The following EFCAB6 variants were observed in gnomAD, a reference collection of about 807,000 sequenced individuals.
EFCAB6 encodes EF-hand calcium binding domain 6.
A neutral mutation model predicts 169.8 loss-of-function variants in EFCAB6; 156 were observed. The ratio of observed to expected loss-of-function variants is 0.92; its 90% CI spans 0.81 to 1.05. EFCAB6 has a LOEUF of 1.05. Ranked by LOEUF, EFCAB6 falls within the 50% of genes least tolerant of loss-of-function variation. The pLI, the probability that EFCAB6 is intolerant of heterozygous loss-of-function variation, is 0.00. For synonymous variants in EFCAB6, 698 were observed against 676.4 expected (o/e 1.03, Z -0.50); for missense variants, 1,800 against 1,829.1 (o/e 0.98, Z 0.29).
chr22:43,532,510 C>T (rs941961731), intron 30 of EFCAB6, among the ~76,000 whole-genome samples: 4 of 151,972 alleles, frequency 2.6e-5, no homozygotes, highest in Admixed American at 1.3e-4. Context: ...TCGTGGCTCC[C>T]GTGAAGATGG....
At position 43,772,962 on chromosome 22, in the gene EFCAB6, T is replaced by A. The variant is rs1427927647; in HGVS notation, c.281A>T (p.Glu94Val). The change falls in exon 4 of 32, where the codon GAA becomes GTA. Residue 94 changes from glutamate to valine, a missense_variant. By Grantham distance (121) the Glu-to-Val change is moderately radical (BLOSUM62 -2). Transcript: ENST00000262726. ...GAAGTCTGTGATGATTCTTCTCAGT[T>A]CACTTTTTGACACAGTCAAGTTCTG... Reference protein sequence around the residue: ...TGQNLTVSKSELRRIITDFLM... With the variant: ...TGQNLTVSKSVLRRIITDFLM... 5 of 1,614,106 alleles carry A rather than the reference T, an allele frequency of 3.1e-6. No homozygotes were observed. Among genetic ancestry groups the A allele is most frequent in the African/African-American group, 1.3e-5 (1 of 74,938 alleles).
At position 43,572,683 on chromosome 22, in the gene EFCAB6, G is replaced by A. The variant is rs1235872481; in HGVS notation, c.3420+3614C>T. On this transcript the variant is annotated intron_variant, in intron 26 of 31. Coordinates refer to ENST00000262726, the MANE Select transcript of EFCAB6 (RefSeq NM_022785.4). The surrounding 1 kb of genome is among the most constrained non-coding windows in gnomAD (Gnocchi z 4.0). ...TCACTCCCTCCCCTCCTCGTCGCTC[G>A]GATGTCACCCCTCGACAGGCCCTCC... Among the ~76,000 whole-genome samples, 2 of 152,086 alleles carry A rather than the reference G, an allele frequency of 1.3e-5. No individual in the cohort carries two copies. The highest frequency in any genetic ancestry group is 2.4e-5 in the African/African-American group (1 of 41,418).
At chr22:43,564,761 C>G (rs1020765015) in intron 26 of EFCAB6, among the ~76,000 whole-genome samples, 1 of 152,318 alleles carries the variant, frequency 6.6e-6, no homozygotes, top group Admixed American at 6.5e-5. Flanking sequence ...AGTAAAGAGC[C>G]CTCTAATATC....
intron 28 of EFCAB6, among the ~76,000 whole-genome samples, chr22:43,539,048 T>G (rs1014808315): frequency 2.6e-5 from 4 of 152,162 alleles, no homozygotes; most frequent in Non-Finnish European, 1.5e-5. Context: ...GTGGAATCTT[T>G]CTCAGATTGC....
chr22:43,653,685 C>T (rs2056594713), intron 17 of EFCAB6, among the ~76,000 whole-genome samples: 1 of 152,190 alleles, frequency 6.6e-6, no homozygotes, highest in Admixed American at 6.5e-5. Flanking sequence ...AGACCAGAAA[C>T]TGGTAGGGAT....
chr22:43,600,133 G>C lies in EFCAB6; in HGVS notation c.2812C>G (p.Pro938Ala), dbSNP rs747806463. ...YFNFMGHFTK[P>A]QQLQEEMKEL... ...TTCATCTCTTCCTGTAGCTGCTGTG[G>C]CTTTGTAAAATGACCCATGAAGTTG... Residue 938 changes from proline (P) to alanine (A), a missense_variant, in exon 23 of 32, where the codon CCA becomes GCA. Physicochemically the swap from Pro to Ala is conservative, Grantham distance 27 (BLOSUM62 -1). Transcript: ENST00000262726. The C allele has an allele frequency of 2.7e-5, 43 of 1,614,094 alleles. No homozygotes were observed. The East Asian group carries it at 8.9e-4, about 33-fold the overall frequency.
Position 43,744,839 on chromosome 22 carries a change from A to G in EFCAB6, c.508-8846T>C, listed in dbSNP as rs1464365554. ...TCTGGGGGAGAGAGGAAGCAGAAAG[A>G]AGGAGGGAGGTACAGCCAGTGAGCA... is the stretch of plus-strand genomic sequence containing the variant. On this transcript the variant is annotated intron_variant, in intron 6 of 31. Transcript: ENST00000262726. This position sits in a 1 kb window ranked among gnomAD's most constrained non-coding sequence, Gnocchi z 4.3. Among the ~76,000 whole-genome samples the G allele has an allele frequency of 2.0e-5, 3 of 152,140 alleles. No individual in the cohort carries two copies. Among genetic ancestry groups the G allele is most frequent in the African/African-American group, 4.8e-5 (2 of 41,434 alleles).
At chr22:43,562,019 A>G (rs1248554816) in intron 26 of EFCAB6, among the ~76,000 whole-genome samples, 1 of 152,162 alleles carries the variant, frequency 6.6e-6, no homozygotes, top group Non-Finnish European at 1.5e-5. Context: ...TTATCTGGCA[A>G]AGATAAGCTC....
chr22:43,681,328 C>T (rs989483991), intron 12 of EFCAB6, among the ~76,000 whole-genome samples: 7 of 152,218 alleles, frequency 4.6e-5, no homozygotes, highest in Non-Finnish European at 8.8e-5. Context: ...AGCACTTAAG[C>T]CTTGCCATGT....
At chr22:43,617,870 G>A (rs554358863) in intron 20 of EFCAB6, among the ~76,000 whole-genome samples, 103 of 152,116 alleles carry the variant, frequency 6.8e-4, no homozygotes, top group Non-Finnish European at 1.2e-3. Context: ...TTGTGAGGCC[G>A]AGGTGGGCAG....
chr22:43,543,139 A>T (rs958389025), intron 27 of EFCAB6, among the ~76,000 whole-genome samples: 3 of 152,154 alleles, frequency 2.0e-5, no homozygotes, highest in Non-Finnish European at 1.5e-5. Flanking sequence ...GGAGGGACGG[A>T]ATTACACAGC....
At chr22:43,602,721 C>T (rs2052609468) in intron 22 of EFCAB6, among the ~76,000 whole-genome samples, 1 of 152,066 alleles carries the variant, frequency 6.6e-6, no homozygotes, top group Admixed American at 6.5e-5. Context: ...CAAGCAGCCC[C>T]CAGGGAGCAG....
In EFCAB6 at chr22:43,555,110, A is replaced by G. The variant is rs766334800; in HGVS notation, c.3421-14T>C. On this transcript the variant is annotated splice_polypyrimidine_tract_variant and intron_variant, in intron 26 of 31. Transcript: ENST00000262726. ...CTCATCAGCTGTCTGGACAAAATAG[A>G]ATGGAAATTGATCCATGTGAGAAAT... 6.2e-7 allele frequency: 1 copy of G among 1,613,732 alleles called. No individual in the cohort carries two copies. Among genetic ancestry groups the G allele is most frequent in the Non-Finnish European group, 8.5e-7 (1 of 1,179,718 alleles).
chr22:43,782,375 C>T, intron 2 of EFCAB6, 50 bp from the exon 3 acceptor site: 30 of 1,524,900 alleles, frequency 2.0e-5, no homozygotes, highest in Non-Finnish European at 2.5e-5. Context: ...GCATACATTC[C>T]AAATGTGGCC....
chr22:43,552,292 T>A (rs2048427546), intron 27 of EFCAB6: 1 of 152,232 alleles, frequency 6.6e-6, no homozygotes, highest in Non-Finnish European at 1.5e-5. Context: ...AATAGAATGA[T>A]TTATATTCCT....
Position 43,528,879 on chromosome 22 carries a change from C to A in EFCAB6, c.4480G>T (p.Asp1494Tyr). 6.2e-7 allele frequency: 1 copy of A among 1,611,134 alleles called. No individual in the cohort carries two copies. Among genetic ancestry groups the A allele is most frequent in the South Asian group, 1.1e-5 (1 of 90,820 alleles). Reference protein sequence around the residue: ...KTLSSKISYNDFLRAFLQ With the variant: ...KTLSSKISYNYFLRAFLQ The stretch of plus-strand genomic sequence containing the variant: ...TACTGGAGGAATGCCCGGAGGAAGT[C>A]GTTGTAGGAGATTTTTGAAGACAGC... The change falls in exon 32 of 32, where the codon GAC (aspartate) becomes TAC (tyrosine). Residue 1494 changes from aspartate to tyrosine, a missense_variant. By Grantham distance (160) the Asp-to-Tyr change is radical. Transcript: ENST00000262726.
In EFCAB6 at chr22:43,647,661, G is replaced by T. The variant is rs574445143; in HGVS notation, c.1984-12445C>A. ...TAAGATGAAGTCGTGCTGGATGAGA[G>T]TAGTACCTCACCCAATGACTGGTGT... On this transcript the variant is annotated intron_variant, in intron 17 of 31. Coordinates refer to ENST00000262726, the MANE Select transcript of EFCAB6 (RefSeq NM_022785.4). Among the ~76,000 whole-genome samples the T allele has an allele frequency of 5.1e-4, 78 of 152,364 alleles. 1 individual carries two copies. The South Asian group carries it at 0.016, about 31-fold the overall frequency.
intron 7 of EFCAB6, 124 bp from the exon 8 acceptor site, chr22:43,731,935 G>C (rs1274364399): frequency 4.0e-6 from 2 of 504,890 alleles, no homozygotes; most frequent in African/African-American, 2.0e-5. Context: ...GCTACAGAGG[G>C]AATTAAAAAG....
chr22:43,569,408 T>C (rs1353746984), intron 26 of EFCAB6, among the ~76,000 whole-genome samples: 1 of 152,186 alleles, frequency 6.6e-6, no homozygotes, highest in East Asian at 1.9e-4. Flanking sequence ...ACTGGGGCAG[T>C]GCTAGGACCC....
Sources: allele counts gnomAD v4.1 joint callset (sites outside exome capture counted in the v4.1 genomes callset), GRCh38; gene constraint gnomAD v4.1.1; non-coding constraint Gnocchi (gnomAD v3.1); transcripts MANE v1.5; gene names NCBI Gene and HGNC (gene_info 2026-07-23, HGNC 2026-07-21).